RBFOX1: variants seen among roughly 807,000 people sequenced by gnomAD.
RBFOX1 encodes RNA binding protein fox-1 homolog 1.
Under a neutral mutation model 57.7 loss-of-function variants are expected in RBFOX1, and 8 were observed. The ratio of observed to expected loss-of-function variants is 0.14; its 90% CI spans 0.08 to 0.25. The LOEUF (loss-of-function observed/expected upper bound fraction) is 0.25. RBFOX1 is among the 10% of genes least tolerant of loss of function. RBFOX1 has a pLI of 1.00. For missense variants in RBFOX1, 611 were observed against 548.5 expected (o/e 1.11, Z -1.14); for synonymous variants, 326 against 222.4 (o/e 1.47, Z -4.15).
chr16:5,369,903 C>T (rs1041406875), intron 1 of RBFOX1, among the ~76,000 whole-genome samples: 5 of 152,060 alleles, frequency 3.3e-5, no homozygotes, highest in African/African-American at 9.7e-5. Flanking sequence ...TTGCACCAAC[C>T]TATAGATGTC....
intron 3 of RBFOX1, among the ~76,000 whole-genome samples, chr16:6,700,438 A>C (rs1445076339): frequency 6.6e-6 from 1 of 152,044 alleles, no homozygotes; most frequent in African/African-American, 2.4e-5. Flanking sequence ...CAGGCGGATC[A>C]CCTGAGGTCA....
intron 2 of RBFOX1, among the ~76,000 whole-genome samples, chr16:5,586,616 G>A (rs1479989196): frequency 6.6e-6 from 1 of 152,136 alleles, no homozygotes; most frequent in Non-Finnish European, 1.5e-5. Flanking sequence ...CCCCATTGCA[G>A]CTCCTAAGTA....
chr16:5,832,896 C>G (rs1555540744), intron 3 of RBFOX1, among the ~76,000 whole-genome samples: 1 of 152,132 alleles, frequency 6.6e-6, no homozygotes, highest in Non-Finnish European at 1.5e-5. Flanking sequence ...AAAGGGTCCT[C>G]AGAGACTTCT....
At chr16:5,764,335 G>A (rs1417621111) in intron 3 of RBFOX1, among the ~76,000 whole-genome samples, 3 of 152,178 alleles carry the variant, frequency 2.0e-5, no homozygotes, top group African/African-American at 7.2e-5. Flanking sequence ...GTTTTCCTTG[G>A]TGGGGAGGAC....
At chr16:7,098,866 A>C (rs1405949561) in intron 4 of RBFOX1, among the ~76,000 whole-genome samples, 1 of 152,136 alleles carries the variant, frequency 6.6e-6, no homozygotes, top group Non-Finnish European at 1.5e-5. Flanking sequence ...TTTGGTCCTT[A>C]TCCTATTTTT....
intron 4 of RBFOX1, among the ~76,000 whole-genome samples, chr16:5,997,347 G>A (rs2152325749): frequency 6.6e-6 from 1 of 152,298 alleles, no homozygotes; most frequent in Non-Finnish European, 1.5e-5. Flanking sequence ...GTTGTCTAGG[G>A]CAAGGTACTT....
chr16:5,598,630 T>A (rs1300441149), intron 2 of RBFOX1, among the ~76,000 whole-genome samples: 1 of 152,236 alleles, frequency 6.6e-6, no homozygotes, highest in African/African-American at 2.4e-5. Flanking sequence ...ATTTTCTTCA[T>A]CATGTCCTGA....
chr16:5,672,471 G>C (rs181443774), intron 3 of RBFOX1, among the ~76,000 whole-genome samples: 39 of 152,204 alleles, frequency 2.6e-4, no homozygotes, highest in Admixed American at 2.2e-3. Flanking sequence ...GGCTGGCTTT[G>C]GGTGCACCTC....
intron 1 of RBFOX1, among the ~76,000 whole-genome samples, chr16:5,304,608 A>G (rs541873413): frequency 1.3e-5 from 2 of 152,212 alleles, no homozygotes; most frequent in South Asian, 2.1e-4. Context: ...TTTTATTGCC[A>G]GATACTCTTC....
At chr16:6,175,975 T>C (rs938904595) in intron 1 of RBFOX1, among the ~76,000 whole-genome samples, 1 of 152,052 alleles carries the variant, frequency 6.6e-6, no homozygotes, top group Non-Finnish European at 1.5e-5. Flanking sequence ...ACTTCAAAGG[T>C]TTGGAGATGA....
chr16:5,560,933 A>G (rs1179349253), intron 2 of RBFOX1, among the ~76,000 whole-genome samples: 2 of 152,234 alleles, frequency 1.3e-5, no homozygotes, highest in African/African-American at 4.8e-5. Flanking sequence ...TTTGGCTAGC[A>G]GGTAACAGGA....
intron 4 of RBFOX1, among the ~76,000 whole-genome samples, chr16:7,338,464 T>A (rs959440763): frequency 2.0e-5 from 3 of 152,194 alleles, no homozygotes; most frequent in Non-Finnish European, 4.4e-5. Context: ...GGTGCAATCA[T>A]AGCTCACTGT....
intron 1 of RBFOX1, among the ~76,000 whole-genome samples, chr16:6,268,252 T>C (rs545783742): frequency 1.3e-5 from 2 of 152,314 alleles, no homozygotes; most frequent in Admixed American, 1.3e-4. Flanking sequence ...GATTTACATC[T>C]CTTTATGGGG....
chr16:6,952,843 T>G (rs893825853), intron 3 of RBFOX1, among the ~76,000 whole-genome samples: 2 of 151,784 alleles, frequency 1.3e-5, no homozygotes, highest in Non-Finnish European at 2.9e-5. Context: ...GGTATGGTGG[T>G]GCATGCCTGT....
intron 3 of RBFOX1, among the ~76,000 whole-genome samples, chr16:5,629,225 A>C (rs565842637): frequency 6.6e-6 from 1 of 152,352 alleles, no homozygotes; most frequent in Admixed American, 6.5e-5. Flanking sequence ...GTGATTCTAG[A>C]ATACCTTCCC....
intron 10 of RBFOX1, among the ~76,000 whole-genome samples, chr16:7,622,849 C>G (rs567773472): frequency 6.6e-6 from 1 of 152,304 alleles, no homozygotes; most frequent in Admixed American, 6.5e-5. Context: ...TACCATAACC[C>G]TTCAGAGAAG....
chr16:6,003,678 C>G (rs2060642565), intron 4 of RBFOX1, among the ~76,000 whole-genome samples: 2 of 152,254 alleles, frequency 1.3e-5, no homozygotes, highest in Admixed American at 6.5e-5. Context: ...CTAGCCTCTG[C>G]TATTCCCTAG....
chr16:6,616,670 G>A (rs888413237), intron 2 of RBFOX1, among the ~76,000 whole-genome samples: 1 of 152,178 alleles, frequency 6.6e-6, no homozygotes, highest in African/African-American at 2.4e-5. Context: ...GCAAGACTCA[G>A]GTGATCTACC....
chr16:6,647,555 G>A (rs1602613227), intron 2 of RBFOX1, among the ~76,000 whole-genome samples: 2 of 152,110 alleles, frequency 1.3e-5, no homozygotes, highest in Non-Finnish European at 1.5e-5. Context: ...GCCAAGGGCA[G>A]TCATTCTTAG....
Sources: gnomAD v4.1 joint callset for allele counts (sites outside exome capture counted in the v4.1 genomes callset) on GRCh38, gnomAD v4.1.1 for gene constraint, MANE v1.5 for transcripts, NCBI Gene and HGNC (gene_info 2026-07-23, HGNC 2026-07-21) for gene names.